Variants in TRAPPC9 observed in about 807,000 individuals in gnomAD.
TRAPPC9 encodes the protein trafficking protein particle complex subunit 9, also known as IKK2 binding protein.
Under a neutral mutation model 124.0 loss-of-function variants are expected in TRAPPC9, and 83 were observed. The observed-to-expected ratio is 0.67, with a 90% CI of 0.56 to 0.80. The LOEUF (loss-of-function observed/expected upper bound fraction) is 0.80, where lower values mean the gene tolerates loss of function less well. TRAPPC9 is among the 30% of genes least tolerant of loss of function. The pLI is 0.00. For synonymous variants in TRAPPC9, 638 were observed against 617.5 expected (o/e 1.03, Z -0.49); for missense variants, 1,302 against 1,508.3 (o/e 0.86, Z 2.27).
intron 21 of TRAPPC9, among the ~76,000 whole-genome samples, chr8:139,789,451 C>T (rs1387682073): frequency 6.6e-6 from 1 of 152,174 alleles, no homozygotes; most frequent in East Asian, 1.9e-4. Context: ...CTTCACATGC[C>T]TGTTTAGATG....
intron 17 of TRAPPC9, among the ~76,000 whole-genome samples, chr8:140,074,551 C>T (rs556667583): frequency 2.6e-5 from 4 of 152,294 alleles, no homozygotes; most frequent in African/African-American, 7.2e-5. Context: ...ACATGGGGTT[C>T]TTGGCTGATG....
At chr8:140,116,004 G>T (rs1317410466) in intron 17 of TRAPPC9, among the ~76,000 whole-genome samples, 1 of 152,178 alleles carries the variant, frequency 6.6e-6, no homozygotes, top group African/African-American at 2.4e-5. Context: ...GCACAAATCA[G>T]AAGGAGCTCA....
intron 20 of TRAPPC9, among the ~76,000 whole-genome samples, chr8:139,887,722 TGACAACCTGTGCTA>T (rs1830105510): frequency 1.3e-5 from 2 of 152,338 alleles, no homozygotes; most frequent in East Asian, 3.9e-4. Flanking sequence ...ATGCATCCCA[TGACAACCTGTGCTA>T]GACACGGTCA....
At chr8:140,059,278 G>A (rs552356981) in intron 17 of TRAPPC9, among the ~76,000 whole-genome samples, 7 of 152,138 alleles carry the variant, frequency 4.6e-5, no homozygotes, top group Non-Finnish European at 7.3e-5. Context: ...ATTCATCCAC[G>A]TTCTTAAGTG....
chr8:140,195,038 T>G (rs1275909336), intron 17 of TRAPPC9, among the ~76,000 whole-genome samples: 1 of 147,528 alleles, frequency 6.8e-6, no homozygotes, highest in East Asian at 2.0e-4. Context: ...AGACACTCAA[T>G]GATCCACTGT....
chr8:140,024,688 C>G (rs1259894109), intron 17 of TRAPPC9, among the ~76,000 whole-genome samples: 1 of 152,094 alleles, frequency 6.6e-6, no homozygotes, highest in Admixed American at 6.5e-5. Context: ...TGTGGGATGA[C>G]AGGCGTGTGG....
chr8:139,734,274 C>A (rs557989445), intron 21 of TRAPPC9, among the ~76,000 whole-genome samples: 1 of 152,192 alleles, frequency 6.6e-6, no homozygotes, highest in African/African-American at 2.4e-5. Context: ...TTTAAGGGTA[C>A]GCAATTCTGA....
intron 21 of TRAPPC9, among the ~76,000 whole-genome samples, chr8:139,851,798 G>C (rs558136517): frequency 6.6e-6 from 1 of 152,222 alleles, no homozygotes; most frequent in Non-Finnish European, 1.5e-5. Flanking sequence ...GCTGGCACCA[G>C]CAGGAGATCT....
chr8:139,790,461 G>T (rs919127752), intron 21 of TRAPPC9, among the ~76,000 whole-genome samples: 1 of 152,194 alleles, frequency 6.6e-6, no homozygotes, highest in Non-Finnish European at 1.5e-5. Flanking sequence ...GTGCTCACAG[G>T]GGAAGGCAGG....
chr8:140,045,644 A>AC (rs1287622030), intron 17 of TRAPPC9, among the ~76,000 whole-genome samples: 6 of 140,492 alleles, frequency 4.3e-5, no homozygotes, highest in African/African-American at 1.1e-4. Context: ...AAAAAAAAAA[A>AC]AAAAAAAAAA....
chr8:139,999,245 A>G (rs1350457918), intron 18 of TRAPPC9, among the ~76,000 whole-genome samples: 1 of 152,200 alleles, frequency 6.6e-6, no homozygotes, highest in Admixed American at 6.5e-5. Flanking sequence ...CACTCTAAAT[A>G]TAATGGTATA....
intron 17 of TRAPPC9, among the ~76,000 whole-genome samples, chr8:140,183,863 AAGAAG>A (rs1378071613): frequency 0.14 from 3,957 of 27,768 alleles, 433 homozygotes; most frequent in South Asian, 0.21. Flanking sequence ...AAAAAAAAAA[AAGAAG>A]AAGAAGAAGA....
intron 21 of TRAPPC9, among the ~76,000 whole-genome samples, chr8:139,750,981 C>T (rs1189453055): frequency 6.6e-6 from 1 of 152,188 alleles, no homozygotes; most frequent in Admixed American, 6.5e-5. Context: ...AGTCTCTGGC[C>T]CACCCCAAGG....
chr8:140,226,210 G>A (rs2063447408), intron 16 of TRAPPC9, among the ~76,000 whole-genome samples: 1 of 152,170 alleles, frequency 6.6e-6, no homozygotes, highest in African/African-American at 2.4e-5. Flanking sequence ...GGTACGAGAA[G>A]GGACATGAAA....
intron 17 of TRAPPC9, among the ~76,000 whole-genome samples, chr8:140,050,022 T>C (rs1841883912): frequency 6.6e-6 from 1 of 152,096 alleles, no homozygotes; most frequent in Non-Finnish European, 1.5e-5. Flanking sequence ...CTGGGGTGTG[T>C]AACACCAGGG....
intron 21 of TRAPPC9, among the ~76,000 whole-genome samples, chr8:139,849,104 A>C (rs920442311): frequency 2.0e-5 from 3 of 152,232 alleles, no homozygotes; most frequent in African/African-American, 7.2e-5. Flanking sequence ...TCTGGATGAC[A>C]AATCACCAGC....
chr8:140,433,087 G>C (rs1249754931), intron 4 of TRAPPC9, among the ~76,000 whole-genome samples: 2 of 149,964 alleles, frequency 1.3e-5, no homozygotes, highest in Non-Finnish European at 3.0e-5. Flanking sequence ...TGGATCACTT[G>C]AGTCAGGAGT....
chr8:140,021,291 T>C (rs1029320278), intron 18 of TRAPPC9, among the ~76,000 whole-genome samples: 2 of 152,228 alleles, frequency 1.3e-5, no homozygotes, highest in African/African-American at 4.8e-5. Context: ...GCTCCAGAGT[T>C]TGCATGTATC....
At chr8:140,232,603 A>G (rs533380549) in intron 16 of TRAPPC9, among the ~76,000 whole-genome samples, 1 of 152,306 alleles carries the variant, frequency 6.6e-6, no homozygotes, top group East Asian at 1.9e-4. Flanking sequence ...TGACCTGAGG[A>G]AAGACATTCA....
Sources: allele counts gnomAD v4.1 joint callset (sites outside exome capture counted in the v4.1 genomes callset), GRCh38; gene constraint gnomAD v4.1.1; transcripts MANE v1.5; gene names NCBI Gene and HGNC (gene_info 2026-07-23, HGNC 2026-07-21).